The following SCGB2B2 variants were observed in gnomAD, a reference collection of about 807,000 sequenced individuals.
SCGB2B2 encodes secretoglobin-like protein.
A neutral mutation model predicts 7.6 loss-of-function variants in SCGB2B2; 11 were observed. The ratio of observed to expected loss-of-function variants is 1.45; its 90% confidence interval spans 0.91 to 2.40. The LOEUF is 2.40. Ranked by LOEUF, SCGB2B2 falls within the 30% of genes most tolerant of loss-of-function variation. SCGB2B2 has a pLI of 0.00. For missense variants in SCGB2B2, 104 were observed against 115.4 expected, an observed-to-expected ratio of 0.90 and a Z score of 0.45; for synonymous variants, 50 against 48.6, an observed-to-expected ratio of 1.03 and a Z score of -0.12.
intron 1 of SCGB2B2, among the ~76,000 whole-genome samples, chr19:34,652,844 C>T (rs1170877027): frequency 6.6e-6 from 1 of 151,216 alleles, no homozygotes; most frequent in Admixed American, 6.6e-5. Context: ...ATCAAGAATC[C>T]CATTACTGGG....
At chr19:34,605,224 T>A (rs941080863) in intron 1 of SCGB2B2, among the ~76,000 whole-genome samples, 1 of 152,226 alleles carries the variant, frequency 6.6e-6, no homozygotes, top group African/African-American at 2.4e-5. Flanking sequence ...GCTTTTTGAG[T>A]CTTAAATGTT....
At chr19:34,664,679 G>C (rs1269267231) in intron 1 of SCGB2B2, among the ~76,000 whole-genome samples, 1 of 152,092 alleles carries the variant, frequency 6.6e-6, no homozygotes, top group African/African-American at 2.4e-5. Flanking sequence ...CAAACTCCTT[G>C]TCCGGAAGCT....
intron 1 of SCGB2B2, among the ~76,000 whole-genome samples, chr19:34,664,573 C>T (rs1300853784): frequency 3.9e-5 from 6 of 152,190 alleles, no homozygotes; most frequent in East Asian, 1.9e-4. Flanking sequence ...CCCCACTCCA[C>T]GCTCTACTGC....
At chr19:34,602,337 A>ACTT (rs1282501124) in intron 1 of SCGB2B2, among the ~76,000 whole-genome samples, 1 of 152,124 alleles carries the variant, frequency 6.6e-6, no homozygotes, top group Non-Finnish European at 1.5e-5. Flanking sequence ...AATCTCATTG[A>ACTT]CTTTGCTAAT....
At chr19:34,673,980 T>C (rs1600075102) in intron 1 of SCGB2B2, among the ~76,000 whole-genome samples, 1 of 152,220 alleles carries the variant, frequency 6.6e-6, no homozygotes, top group African/African-American at 2.4e-5. Flanking sequence ...TTTTATGAGA[T>C]GGCCAGACAT....
chr19:34,634,415 G>T (rs1181027230), intron 1 of SCGB2B2, among the ~76,000 whole-genome samples: 1 of 152,178 alleles, frequency 6.6e-6, no homozygotes, highest in African/African-American at 2.4e-5. Context: ...ACAGAACTCA[G>T]GTAAGAGCCT....
intron 1 of SCGB2B2, among the ~76,000 whole-genome samples, chr19:34,618,816 G>A (rs1010541640): frequency 2.0e-5 from 3 of 152,200 alleles, no homozygotes; most frequent in African/African-American, 7.2e-5. Flanking sequence ...CCATGTATCA[G>A]ATTGCAGATC....
chr19:34,602,838 A>G (rs2065669038), intron 1 of SCGB2B2, among the ~76,000 whole-genome samples: 1 of 152,172 alleles, frequency 6.6e-6, no homozygotes, highest in African/African-American at 2.4e-5. Flanking sequence ...CCCCACAGCC[A>G]AGAGCCATTC....
intron 1 of SCGB2B2, among the ~76,000 whole-genome samples, chr19:34,629,107 A>G (rs1600055566): frequency 6.6e-6 from 1 of 151,954 alleles, no homozygotes; most frequent in East Asian, 1.9e-4. Context: ...CTAGGTATTG[A>G]TGGGATGTAT....
intron 1 of SCGB2B2, among the ~76,000 whole-genome samples, chr19:34,656,272 G>A (rs2067280836): frequency 6.6e-6 from 1 of 151,410 alleles, no homozygotes; most frequent in Non-Finnish European, 1.5e-5. Context: ...TTAAATGCAA[G>A]TGAGATATGT....
At chr19:34,601,525 G>A (rs572619153) in intron 1 of SCGB2B2, among the ~76,000 whole-genome samples, 8 of 152,216 alleles carry the variant, frequency 5.3e-5, no homozygotes, top group African/African-American at 1.9e-4. Context: ...TTTTACCTAT[G>A]TATCTCTGTA....
At chr19:34,630,590 C>T (rs901190765) in intron 1 of SCGB2B2, among the ~76,000 whole-genome samples, 31 of 151,784 alleles carry the variant, frequency 2.0e-4, no homozygotes, top group African/African-American at 6.5e-4. Context: ...GTTAGAATGG[C>T]GATCATTAAA....
intron 1 of SCGB2B2, among the ~76,000 whole-genome samples, chr19:34,614,677 T>A (rs1190419797): frequency 3.3e-5 from 5 of 152,252 alleles, no homozygotes; most frequent in Admixed American, 2.0e-4. Flanking sequence ...TCCTTGCTTT[T>A]AAATGTTTCT....
chr19:34,626,786 A>T (rs2066390777), intron 1 of SCGB2B2, among the ~76,000 whole-genome samples: 1 of 152,236 alleles, frequency 6.6e-6, no homozygotes, highest in Non-Finnish European at 1.5e-5. Context: ...CGAGAAGAGC[A>T]ACTCCAAGAC....
chr19:34,675,352 A>T (rs2067896470), intron 1 of SCGB2B2, among the ~76,000 whole-genome samples: 1 of 152,310 alleles, frequency 6.6e-6, no homozygotes, highest in Non-Finnish European at 1.5e-5. Flanking sequence ...TGTTTTTTAA[A>T]ACTGTGGCTG....
At chr19:34,672,148 GAATA>G (rs957203618) in intron 1 of SCGB2B2, among the ~76,000 whole-genome samples, 44 of 151,382 alleles carry the variant, frequency 2.9e-4, no homozygotes, top group African/African-American at 9.2e-4. Flanking sequence ...ATGAATAAAT[GAATA>G]AATAAATAAA....
chr19:34,618,174 G>A (rs1329302906), intron 1 of SCGB2B2, among the ~76,000 whole-genome samples: 1 of 152,172 alleles, frequency 6.6e-6, no homozygotes, highest in Non-Finnish European at 1.5e-5. Flanking sequence ...GTGTCTTTAT[G>A]GTAGAATGAT....
intron 1 of SCGB2B2, among the ~76,000 whole-genome samples, chr19:34,669,764 C>T (rs1056594889): frequency 2.3e-5 from 2 of 87,868 alleles, no homozygotes; most frequent in Non-Finnish European, 4.9e-5. Flanking sequence ...CTGTGGGATT[C>T]TAATTTATGG....
intron 1 of SCGB2B2, chr19:34,635,278 C>A: frequency 3.5e-6 from 1 of 286,800 alleles, no homozygotes. Context: ...GGACTTTCTC[C>A]AGTGTGGACT....
Sources: gnomAD v4.1 joint callset for allele counts (sites outside exome capture counted in the v4.1 genomes callset) on GRCh38, gnomAD v4.1.1 for gene constraint, MANE v1.5 for transcripts, NCBI Gene and HGNC (gene_info 2026-07-23, HGNC 2026-07-21) for gene names.